The following WBP4 variants were observed in gnomAD, a reference collection of about 807,000 sequenced individuals.
The protein encoded by WBP4 is WW domain binding protein 4, also known as WW domain-binding protein 4.
WBP4 carries 37 observed loss-of-function variants against 55.4 expected under a neutral mutation model. The observed-to-expected ratio is 0.67, with a 90% CI of 0.51 to 0.88. The LOEUF (loss-of-function observed/expected upper bound fraction) is 0.88, where lower values mean the gene tolerates loss of function less well. Among genes scored for constraint, WBP4 ranks in the 40% least tolerant of loss-of-function variants. WBP4 has a pLI of 0.00. For missense variants in WBP4, 398 were observed against 420.8 expected (o/e 0.95, Z 0.47); for synonymous variants, 142 against 140.2 (o/e 1.01, Z -0.09).
chr13:41,063,429 T>G (rs544047004), intron 2 of WBP4, among the ~76,000 whole-genome samples: 96 of 152,348 alleles, frequency 6.3e-4, no homozygotes, highest in African/African-American at 2.2e-3. Context: ...GGATTTCTTC[T>G]GTAGACATTT....
rs1878838152 is a variant in WBP4, at chr13:41,082,749, A to G, written c.966A>G (p.Val322=). 1.2e-6 allele frequency: 2 copies of G among 1,614,034 alleles called. No homozygotes were observed. Among genetic ancestry groups the G allele is most frequent in the African/African-American group, 1.3e-5 (1 of 74,944 alleles). Residue 322 remains valine, a synonymous_variant, in exon 10 of 10, where the codon GTA becomes GTG. Coordinates refer to ENST00000379487, the MANE Select transcript of WBP4 (RefSeq NM_007187.5). The part of the protein sequence containing the change: ...LELPSTENEY[V]STSEADGGGE... ...TTCCAAGCACTGAAAATGAGTATGT[A>G]TCAACTTCAGAAGCTGATGGTGGCG... is the stretch of plus-strand genomic sequence containing the variant.
At chr13:41,062,130 C>A (rs1426599509) in intron 1 of WBP4, 156 of 298,936 alleles carry the variant, frequency 5.2e-4, no homozygotes, top group Non-Finnish European at 6.6e-4. Flanking sequence ...TTTTTGTCGG[C>A]CGTCTACGAA....
Position 41,075,649 on chromosome 13 carries a change from G to C in WBP4, c.563-395G>C, listed in dbSNP as rs890238878. On this transcript the variant is annotated intron_variant, in intron 7 of 9. Transcript: ENST00000379487. Reference sequence around the variant, plus strand: ...TCCTACCTCGCCTTTTCAAAGTGTTGGAATTACAAGCATAAGCCAGCACAC... The same window carrying C: ...TCCTACCTCGCCTTTTCAAAGTGTTCGAATTACAAGCATAAGCCAGCACAC... 2.4e-4 allele frequency among the ~76,000 whole-genome samples: 36 copies of C among 152,164 alleles called. 1 individual carries two copies. The highest frequency in any genetic ancestry group is 8.4e-4 in the African/African-American group (35 of 41,504).
In WBP4 at chr13:41,080,661, A is replaced by T; in HGVS notation, c.772A>T (p.Ser258Cys). The T allele has an allele frequency of 6.3e-7, 1 of 1,579,994 alleles. No individual in the cohort carries two copies. The highest frequency in any genetic ancestry group is 1.2e-5 in the South Asian group (1 of 84,276). ...TACATTTCAGGAAAAAAATAAAAAT[A>T]GTGATGGAGGAAGTGACCCAGAAAC... The part of the protein sequence containing the change: ...KIKFKEKNKN[S>C]DGGSDPETQK... The change falls in exon 9 of 10, where the codon AGT becomes TGT. Residue 258 changes from serine (S) to cysteine (C), a missense_variant. Coordinates refer to ENST00000379487, the MANE Select transcript of WBP4 (RefSeq NM_007187.5).
At chr13:41,077,600 C>T (rs1170171598) in intron 8 of WBP4, among the ~76,000 whole-genome samples, 2 of 152,196 alleles carry the variant, frequency 1.3e-5, no homozygotes. Flanking sequence ...ACTTCAACCA[C>T]TCCTTTTCAA....
At chr13:41,077,760 G>A (rs189191865) in intron 8 of WBP4, among the ~76,000 whole-genome samples, 152 of 152,184 alleles carry the variant, frequency 1.0e-3, no homozygotes, top group African/African-American at 3.5e-3. Flanking sequence ...CAAAACACAC[G>A]TGGATTTGAT....
At chr13:41,077,181 A>G (rs1194043311) in intron 8 of WBP4, among the ~76,000 whole-genome samples, 1 of 152,204 alleles carries the variant, frequency 6.6e-6, no homozygotes, top group Non-Finnish European at 1.5e-5. Context: ...GCAAATCAAT[A>G]AATGTGATTC....
intron 4 of WBP4, 93 bp from the exon 5 acceptor site, chr13:41,068,468 G>T: frequency 4.1e-6 from 5 of 1,229,622 alleles, no homozygotes; most frequent in Non-Finnish European, 5.4e-6. Context: ...AACCTTATCA[G>T]GTTTTTGATT....
chr13:41,072,970 G>A (rs1263614855), intron 7 of WBP4, 113 bp downstream of exon 7: 3 of 732,588 alleles, frequency 4.1e-6, no homozygotes, highest in African/African-American at 3.6e-5. Context: ...AAACATATTT[G>A]TGTAGTAAAC....
intron 9 of WBP4, 89 bp from the exon 10 acceptor site, chr13:41,082,615 T>A: frequency 8.4e-7 from 1 of 1,188,762 alleles, no homozygotes; most frequent in Non-Finnish European, 1.2e-6. Context: ...ACTTCTAATG[T>A]CATTAGAAAG....
chr13:41,071,653 AG>A, intron 6 of WBP4, 80 bp downstream of exon 6: 1 of 1,364,664 alleles, frequency 7.3e-7, no homozygotes, highest in Non-Finnish European at 1.0e-6. Flanking sequence ...AGTTTTGCTA[AG>A]CAACTTTATT....
At chr13:41,073,713 C>T (rs1315162851) in intron 7 of WBP4, among the ~76,000 whole-genome samples, 3 of 151,652 alleles carry the variant, frequency 2.0e-5, no homozygotes, top group Non-Finnish European at 4.4e-5. Context: ...GAGGCTGAGG[C>T]AGAGAATCAC....
rs989693079 is a variant in WBP4 at position 41,083,646 on chromosome 13, C to T, written c.*732C>T. 1 of 152,060 alleles carries T rather than the reference C, an allele frequency of 6.6e-6. No homozygotes were observed. Among genetic ancestry groups the T allele is most frequent in the Non-Finnish European group, 1.5e-5 (1 of 68,000 alleles). 9.4% of individuals were successfully genotyped at this position (152,060 alleles called of 1,614,324 possible). On this transcript the variant is annotated 3_prime_UTR_variant, in exon 10 of 10. Transcript: ENST00000379487. ...CACATTCTAGCATATGCCTTTTTTC[C>T]CCCAGTCATGCACTCTTTTTAGCAG...
intron 6 of WBP4, 149 bp downstream of exon 6, chr13:41,071,722 T>G (rs1327348422): frequency 1.4e-6 from 1 of 712,592 alleles, no homozygotes; most frequent in Non-Finnish European, 2.3e-6. Flanking sequence ...CCATAATGCT[T>G]TTGTTAGAAG....
chr13:41,083,181 C>G lies in WBP4; in HGVS notation c.*267C>G. The G allele has an allele frequency of 3.2e-6, 1 of 310,250 alleles. No homozygotes were observed. 19.2% of individuals were successfully genotyped at this position (310,250 alleles called of 1,614,324 possible). ...AGTCATAATTTAAGATGCTATGTAT[C>G]TGTTATTTAAAACATGGAGAAACAG... On this transcript the variant is annotated 3_prime_UTR_variant, in exon 10 of 10. Coordinates refer to ENST00000379487, the MANE Select transcript of WBP4 (RefSeq NM_007187.5).
intron 8 of WBP4, 140 bp downstream of exon 8, chr13:41,076,377 C>G: frequency 1.5e-6 from 1 of 645,312 alleles, no homozygotes; most frequent in South Asian, 2.4e-5. Context: ...CTTCCGGGTT[C>G]AAGCAATTCT....
At chr13:41,073,699 T>G (rs914925945) in intron 7 of WBP4, among the ~76,000 whole-genome samples, 10 of 151,670 alleles carry the variant, frequency 6.6e-5, no homozygotes, top group African/African-American at 2.4e-4. Flanking sequence ...TCCCAGCTAC[T>G]CAGGAGGCTG....
At chr13:41,072,910 T>G in intron 7 of WBP4, 53 bp downstream of exon 7, 2 of 1,425,924 alleles carry the variant, frequency 1.4e-6, no homozygotes, top group Non-Finnish European at 1.9e-6. Flanking sequence ...CTGGAACTGC[T>G]TATTGGCCTG....
In WBP4 at chr13:41,080,738, A is replaced by G. The variant is rs1179263565; in HGVS notation, c.849A>G (p.Glu283=). The change falls in exon 9 of 10, where the codon GAA becomes GAG. Residue 283 remains glutamate, a synonymous_variant. Coordinates refer to ENST00000379487, the MANE Select transcript of WBP4 (RefSeq NM_007187.5). ...AGAATTCATTAGGTTCAAATGAAGAAAAATCGAAAACTCTTAAGAAATCAA... is the reference window on the plus strand; with the variant it reads ...AGAATTCATTAGGTTCAAATGAAGAGAAATCGAAAACTCTTAAGAAATCAA... ...QKQNSLGSNE[E]KSKTLKKSNP... is the part of the protein sequence containing the mutation. The G allele has an allele frequency of 3.7e-6, 6 of 1,607,870 alleles. No homozygotes were observed. Among genetic ancestry groups the G allele is most frequent in the Admixed American group, 1.7e-5 (1 of 58,154 alleles).
Sources: gnomAD v4.1 joint callset for allele counts (sites outside exome capture counted in the v4.1 genomes callset) on GRCh38, gnomAD v4.1.1 for gene constraint, MANE v1.5 for transcripts, NCBI Gene and HGNC (gene_info 2026-07-23, HGNC 2026-07-21) for gene names.